The following AFDN variants were observed in gnomAD, a reference collection of about 807,000 sequenced individuals.
AFDN encodes the protein afadin, adherens junction formation factor.
In AFDN, 68 loss-of-function variants were observed where a neutral mutation model predicts 216.6. That is an observed-to-expected ratio of 0.31 (90% CI 0.26 to 0.38). The LOEUF is 0.38. Among genes scored for constraint, AFDN ranks in the 10% least tolerant of loss-of-function variants. The pLI is 1.00. For synonymous variants in AFDN, 868 were observed against 853.7 expected, an observed-to-expected ratio of 1.02 and a Z score of -0.29; for missense variants, 2,136 against 2,342.0, an observed-to-expected ratio of 0.91 and a Z score of 1.82.
At chr6:167,826,683 G>A (rs913255932), upstream of AFDN, 23 of 453,778 alleles carry the variant, frequency 5.1e-5, no homozygotes, top group Non-Finnish European at 1.0e-4. Context: ...AAGGAACCCG[G>A]TACCGCCGGT....
At chr6:167,969,705 A>G (rs1797889424) in intron 33 of AFDN, 77 bp from the exon 34 acceptor site, 1 of 1,402,164 alleles carries the variant, frequency 7.1e-7, no homozygotes, top group Admixed American at 2.5e-5. Flanking sequence ...TTAATCGCCC[A>G]TTTTGCAAAC....
At chr6:167,890,222 T>A (rs1212749206) in intron 7 of AFDN, among the ~76,000 whole-genome samples, 1 of 152,218 alleles carries the variant, frequency 6.6e-6, no homozygotes, top group African/African-American at 2.4e-5. Context: ...AGCAAATTTC[T>A]ATCCTCCTTA....
At chr6:167,848,973 C>T (rs1317935408) in intron 1 of AFDN, among the ~76,000 whole-genome samples, 3 of 152,120 alleles carry the variant, frequency 2.0e-5, no homozygotes, top group African/African-American at 2.4e-5. Context: ...CAGGATGAGA[C>T]GCAGTGCCGC....
At chr6:167,890,826 G>GA (rs1451621817) in intron 7 of AFDN, 36 bp from the exon 8 acceptor site, 1 of 1,603,326 alleles carries the variant, frequency 6.2e-7, no homozygotes, top group Admixed American at 1.7e-5. Flanking sequence ...TGACCAACCT[G>GA]AGTCTGCCTG....
intron 21 of AFDN, among the ~76,000 whole-genome samples, chr6:167,920,381 C>T (rs1377586182): frequency 6.6e-6 from 1 of 152,186 alleles, no homozygotes; most frequent in African/African-American, 2.4e-5. Context: ...GGCAGCAGCA[C>T]AGCTTCCAAG....
intron 12 of AFDN, 22 bp from the exon 13 acceptor site, chr6:167,907,149 G>C (rs746077530): frequency 1.9e-6 from 3 of 1,596,256 alleles, no homozygotes; most frequent in Non-Finnish European, 2.6e-6. Context: ...TTCTAAACCC[G>C]TTGTGCTTTC....
intron 4 of AFDN, among the ~76,000 whole-genome samples, chr6:167,873,528 T>C (rs1785010482): frequency 6.6e-6 from 1 of 152,200 alleles, no homozygotes; most frequent in Non-Finnish European, 1.5e-5. Context: ...TTCTACGACT[T>C]AGGGAACTTA....
At chr6:167,964,561 T>G in intron 31 of AFDN, 1 of 1,065,940 alleles carries the variant, frequency 9.4e-7, no homozygotes, top group Non-Finnish European at 1.1e-6. Context: ...CTGGCATTTA[T>G]TCTTAAGAGT....
chr6:167,880,544 T>TCTTTCTACTTCACATCTACCATTTAA (rs1785985902), intron 6 of AFDN, 27 bp downstream of exon 6: 1 of 1,600,180 alleles, frequency 6.2e-7, no homozygotes, highest in Non-Finnish European at 8.5e-7. Context: ...AATCAGTAGT[T>TCTTTCTACTTCACATCTACCATTTAA]CTTTCTACTT....
intron 5 of AFDN, among the ~76,000 whole-genome samples, chr6:167,876,504 A>G (rs1238270070): frequency 6.6e-6 from 1 of 152,238 alleles, no homozygotes; most frequent in Non-Finnish European, 1.5e-5. Context: ...TTAAAAGACA[A>G]GAGGAATGCT....
chr6:167,828,390 C>T (rs917612163), intron 1 of AFDN, among the ~76,000 whole-genome samples: 2 of 152,182 alleles, frequency 1.3e-5, no homozygotes, highest in African/African-American at 4.8e-5. Flanking sequence ...ATGGGAAGGA[C>T]TCTATTTCTT....
chr6:167,868,934 T>G (rs1454367422), intron 2 of AFDN, among the ~76,000 whole-genome samples: 5 of 150,230 alleles, frequency 3.3e-5, no homozygotes, highest in African/African-American at 1.2e-4. Flanking sequence ...GGCTAATTTC[T>G]TCTTCTTCTT....
chr6:167,961,856 GAGGGAGCTGATGGTAA>G (rs1325087936), intron 30 of AFDN, among the ~76,000 whole-genome samples: 1 of 152,134 alleles, frequency 6.6e-6, no homozygotes, highest in Non-Finnish European at 1.5e-5. Context: ...GTGGGATCTG[GAGGGAGCTGATGGTAA>G]AGGGCAGAGG....
chr6:167,902,168 A>C, intron 11 of AFDN, 149 bp from the exon 12 acceptor site: 2 of 537,222 alleles, frequency 3.7e-6, no homozygotes, highest in Non-Finnish European at 6.6e-6. Context: ...GTGGTTTTTT[A>C]ATTCTGTAAG....
chr6:167,928,436 G>A (rs645035), intron 23 of AFDN, among the ~76,000 whole-genome samples: 17,337 of 152,296 alleles, frequency 0.11, 1,321 homozygotes, highest in Non-Finnish European at 0.16. Flanking sequence ...GAGGCTGAGG[G>A]ACAAGGTGCC....
chr6:167,933,893 C>G (rs1160752227), intron 23 of AFDN, among the ~76,000 whole-genome samples: 1 of 152,042 alleles, frequency 6.6e-6, no homozygotes, highest in Non-Finnish European at 1.5e-5. Context: ...TGGGGTAGCC[C>G]AGAGGTTCAC....
chr6:167,878,644 C>T (rs2128289404), intron 5 of AFDN, among the ~76,000 whole-genome samples: 1 of 152,004 alleles, frequency 6.6e-6, no homozygotes, highest in East Asian at 1.9e-4. Context: ...AACTTAAACC[C>T]TTCCAGTGGC....
At chr6:167,855,613 C>T (rs548815152) in intron 1 of AFDN, among the ~76,000 whole-genome samples, 1 of 152,138 alleles carries the variant, frequency 6.6e-6, no homozygotes, top group South Asian at 2.1e-4. Context: ...ACTAGAACAG[C>T]CTGGTTTATT....
At chr6:167,952,437 A>G (rs1214372923) in intron 30 of AFDN, 4 of 985,276 alleles carry the variant, frequency 4.1e-6, no homozygotes, top group Non-Finnish European at 4.8e-6. Context: ...GATTGTTTTC[A>G]TTAGCAAACT....
Sources: gnomAD v4.1 joint callset for allele counts (sites outside exome capture counted in the v4.1 genomes callset) on GRCh38, gnomAD v4.1.1 for gene constraint, MANE v1.5 for transcripts, NCBI Gene and HGNC (gene_info 2026-07-23, HGNC 2026-07-21) for gene names.